SNX29: variants seen among roughly 807,000 people sequenced by gnomAD.
SNX29 encodes sorting nexin 29, also known as sorting nexin-29.
SNX29 carries 78 observed loss-of-function variants against 102.1 expected under a neutral mutation model. The observed-to-expected ratio is 0.76, with a 90% CI of 0.64 to 0.92. The LOEUF (loss-of-function observed/expected upper bound fraction) is 0.92, where lower values mean the gene tolerates loss of function less well. SNX29 is among the 40% of genes least tolerant of loss of function. The pLI, the probability that SNX29 is intolerant of heterozygous loss-of-function variation, is 0.00. For synonymous variants in SNX29, 580 were observed against 414.5 expected (o/e 1.40, Z -4.85); for missense variants, 1,280 against 1,061.7 (o/e 1.21, Z -2.86).
At chr16:12,439,016 T>G (rs1255867039) in intron 18 of SNX29, among the ~76,000 whole-genome samples, 1 of 152,222 alleles carries the variant, frequency 6.6e-6, no homozygotes, top group East Asian at 1.9e-4. Flanking sequence ...TCTTCCATCG[T>G]GGTTGCACAT....
intron 11 of SNX29, among the ~76,000 whole-genome samples, chr16:12,121,310 A>T (rs1267744717): frequency 3.3e-5 from 5 of 152,242 alleles, no homozygotes; most frequent in Admixed American, 6.5e-5. Flanking sequence ...CACAGAACCC[A>T]TGCCAATTTA....
At chr16:12,384,782 A>C (rs1422356708) in intron 16 of SNX29, among the ~76,000 whole-genome samples, 1 of 152,210 alleles carries the variant, frequency 6.6e-6, no homozygotes, top group Admixed American at 6.5e-5. Context: ...TAACTTTCTT[A>C]GAAAGTCTGC....
chr16:12,563,933 C>G (rs117296804), intron 20 of SNX29, among the ~76,000 whole-genome samples: 2 of 152,226 alleles, frequency 1.3e-5, no homozygotes, highest in Non-Finnish European at 2.9e-5. Flanking sequence ...AATACCTAGA[C>G]GCTGATCTTG....
chr16:12,206,340 A>G (rs983175757), intron 14 of SNX29, among the ~76,000 whole-genome samples: 4 of 133,322 alleles, frequency 3.0e-5, no homozygotes, highest in African/African-American at 1.1e-4. Context: ...AATTTTTTTC[A>G]TTGCTGGGAG....
chr16:12,497,565 C>T (rs1156744759), intron 19 of SNX29, among the ~76,000 whole-genome samples: 3 of 152,164 alleles, frequency 2.0e-5, no homozygotes, highest in Non-Finnish European at 4.4e-5. Context: ...TGGCTGGAGT[C>T]GGGAGCTCAG....
chr16:12,130,356 T>C (rs1159961971), intron 13 of SNX29, among the ~76,000 whole-genome samples: 1 of 149,882 alleles, frequency 6.7e-6, no homozygotes, highest in East Asian at 2.0e-4. Flanking sequence ...ACGCCTGTAG[T>C]CCCAGCTACG....
At chr16:12,224,848 A>G (rs1256699072) in intron 14 of SNX29, among the ~76,000 whole-genome samples, 1 of 152,114 alleles carries the variant, frequency 6.6e-6, no homozygotes, top group Non-Finnish European at 1.5e-5. Flanking sequence ...ACAGGGTTCT[A>G]GGAGCAGGAT....
At chr16:12,223,439 A>G (rs1205158655) in intron 14 of SNX29, among the ~76,000 whole-genome samples, 1 of 152,176 alleles carries the variant, frequency 6.6e-6, no homozygotes, top group Non-Finnish European at 1.5e-5. Context: ...AGGAGGGTGG[A>G]TCACCTGAAG....
At chr16:12,536,753 G>A (rs192106181) in intron 20 of SNX29, among the ~76,000 whole-genome samples, 172 of 152,240 alleles carry the variant, frequency 1.1e-3, no homozygotes, top group Non-Finnish European at 1.3e-3. Flanking sequence ...CAAGGCAGGC[G>A]GATCAGGAGG....
At position 12,573,587 on chromosome 16, in the gene SNX29, C is replaced by T. The variant is rs901987624; in HGVS notation, c.*4958C>T. 9.0e-6 allele frequency: 2 copies of T among 222,970 alleles called. No homozygotes were observed. Among genetic ancestry groups the T allele is most frequent in the South Asian group, 3.7e-4 (2 of 5,454 alleles). 13.8% of individuals were successfully genotyped at this position (222,970 alleles called of 1,614,324 possible). A position where few individuals can be genotyped will look rare whatever the true frequency, so the allele number is the denominator to read the frequency against. On this transcript the variant is annotated 3_prime_UTR_variant, in exon 21 of 21. Transcript: ENST00000566228. ...AAACCACTCACCCAGGCTTCCCCCA[C>T]TTCCCCTCAAATTTTCTCAGCTCTG...
At chr16:12,516,059 A>G (rs1443754310) in intron 19 of SNX29, among the ~76,000 whole-genome samples, 1 of 151,986 alleles carries the variant, frequency 6.6e-6, no homozygotes, top group African/African-American at 2.4e-5. Flanking sequence ...GCCTGCCCCA[A>G]CTCCCATTAC....
At chr16:12,534,265 C>T (rs781601962) in intron 20 of SNX29, among the ~76,000 whole-genome samples, 5 of 152,224 alleles carry the variant, frequency 3.3e-5, no homozygotes, top group Non-Finnish European at 5.9e-5. Flanking sequence ...CCAAGCACCG[C>T]CGGCACACCT....
At chr16:12,347,221 C>T (rs1355797894) in intron 15 of SNX29, among the ~76,000 whole-genome samples, 1 of 152,070 alleles carries the variant, frequency 6.6e-6, no homozygotes, top group East Asian at 1.9e-4. Context: ...CTACACAGCA[C>T]TGTCTCGGTG....
chr16:12,042,747 T>C (rs2151180320), intron 4 of SNX29, 150 bp from the exon 5 acceptor site: 1 of 743,958 alleles, frequency 1.3e-6, no homozygotes, highest in East Asian at 2.7e-5. Context: ...TCTGGGTTGA[T>C]TCCATGTCTT....
At chr16:12,293,476 C>T (rs934606488) in intron 15 of SNX29, among the ~76,000 whole-genome samples, 1 of 152,202 alleles carries the variant, frequency 6.6e-6, no homozygotes, top group African/African-American at 2.4e-5. Context: ...AGGTTAAGCT[C>T]ATCGTTTCTG....
chr16:12,215,250 T>C (rs967989094), intron 14 of SNX29, among the ~76,000 whole-genome samples: 3 of 151,652 alleles, frequency 2.0e-5, no homozygotes, highest in South Asian at 2.1e-4. Flanking sequence ...ATCCCAGCAC[T>C]TTGAGAGGCT....
chr16:12,152,372 G>T (rs902687007), intron 13 of SNX29, among the ~76,000 whole-genome samples: 1 of 152,192 alleles, frequency 6.6e-6, no homozygotes, highest in Non-Finnish European at 1.5e-5. Context: ...TACAGATTGG[G>T]AAGATGGGAC....
intron 15 of SNX29, among the ~76,000 whole-genome samples, chr16:12,306,093 A>G (rs1185385800): frequency 6.6e-6 from 1 of 151,712 alleles, no homozygotes; most frequent in Non-Finnish European, 1.5e-5. Context: ...ATTCATCCTC[A>G]TGATCATATG....
chr16:12,026,441 A>G (rs1397905716), intron 3 of SNX29, among the ~76,000 whole-genome samples: 2 of 152,180 alleles, frequency 1.3e-5, no homozygotes, highest in East Asian at 3.8e-4. Flanking sequence ...TGTGGGAGAC[A>G]TTCAGAATTT....
Sources: allele counts gnomAD v4.1 joint callset (sites outside exome capture counted in the v4.1 genomes callset), GRCh38; gene constraint gnomAD v4.1.1; transcripts MANE v1.5; gene names NCBI Gene and HGNC (gene_info 2026-07-23, HGNC 2026-07-21).